Variants in RETREG3 observed in about 807,000 individuals in gnomAD.
RETREG3 encodes reticulophagy regulator 3.
In RETREG3, 23 loss-of-function variants were observed where a neutral mutation model predicts 50.2. The ratio of observed to expected loss-of-function variants is 0.46; its 90% confidence interval spans 0.33 to 0.65. The LOEUF (loss-of-function observed/expected upper bound fraction) is 0.65, where lower values mean the gene tolerates loss of function less well. RETREG3 is among the 30% of genes least tolerant of loss of function. RETREG3 has a pLI of 0.02. For synonymous variants in RETREG3, 240 were observed against 234.4 expected (o/e 1.02, Z -0.22); for missense variants, 546 against 598.0 (o/e 0.91, Z 0.91).
chr17:42,589,013 G>C (rs1247440724), intron 2 of RETREG3, among the ~76,000 whole-genome samples: 1 of 151,184 alleles, frequency 6.6e-6, no homozygotes, highest in Non-Finnish European at 1.5e-5. Flanking sequence ...CTCACTTATA[G>C]TTCTGCCTCC....
intron 1 of RETREG3, among the ~76,000 whole-genome samples, chr17:42,597,611 ATATATATATTTTTTTTTTTT>A (rs1567925522): frequency 1.2e-4 from 4 of 34,476 alleles, no homozygotes; most frequent in African/African-American, 4.9e-4. Flanking sequence ...ATATATATAT[ATATATATATTTTTTTTTTTT>A]TTTTTTTTTT....
At chr17:42,585,507 C>CAAGGGCAGAACCTGGCA (rs1567921230) in intron 5 of RETREG3, among the ~76,000 whole-genome samples, 1 of 152,152 alleles carries the variant, frequency 6.6e-6, no homozygotes, top group East Asian at 1.9e-4. Flanking sequence ...GCTGACAGGC[C>CAAGGGCAGAACCTGGCA]AAGGGCAGAA....
At chr17:42,591,780 G>C (rs374100790) in intron 2 of RETREG3, among the ~76,000 whole-genome samples, 2 of 152,232 alleles carry the variant, frequency 1.3e-5, no homozygotes, top group South Asian at 4.1e-4. Context: ...TTTCATTTGA[G>C]GACTACTTAT....
Position 42,586,834 on chromosome 17 carries a change from A to G in RETREG3, c.435T>C (p.Ala145=). The G allele has an allele frequency of 6.2e-7, 1 of 1,614,162 alleles. No individual in the cohort carries two copies. The highest frequency in any genetic ancestry group is 1.1e-5 in the South Asian group (1 of 91,078). ...AAATGGTCCCACTAACCCAGACTTC[A>G]GCTACATGGTGGCAGAGCTCGGGCA... ...LSVPELCHHV[A]EVWVSGTIFI... Residue 145 remains alanine (A), a synonymous_variant, in exon 4 of 9, where the codon GCT becomes GCC. Coordinates refer to ENST00000309428, the MANE Select transcript of RETREG3 (RefSeq NM_178126.4).
At chr17:42,607,095 A>G (rs2093169123) in intron 1 of RETREG3, among the ~76,000 whole-genome samples, 1 of 152,212 alleles carries the variant, frequency 6.6e-6, no homozygotes, top group Non-Finnish European at 1.5e-5. Context: ...CTTGCTAGAG[A>G]TACCAAAACC....
intron 6 of RETREG3, among the ~76,000 whole-genome samples, chr17:42,584,815 C>CAAAAAAAAAAA (rs71157643): frequency 2.4e-5 from 2 of 82,598 alleles, no homozygotes; most frequent in African/African-American, 5.0e-5. Flanking sequence ...GACCCTGTCT[C>CAAAAAAAAAAA]AAAAAAAAAA....
At chr17:42,597,052 T>A (rs955680915) in intron 1 of RETREG3, among the ~76,000 whole-genome samples, 7 of 151,980 alleles carry the variant, frequency 4.6e-5, no homozygotes, top group African/African-American at 1.2e-4. Context: ...TTAAATTTTT[T>A]AAATAGAGAC....
chr17:42,583,301 A>T (rs2093113967), intron 7 of RETREG3, among the ~76,000 whole-genome samples, 197 bp downstream of exon 7: 1 of 151,982 alleles, frequency 6.6e-6, no homozygotes, highest in African/African-American at 2.4e-5. Context: ...TCTAATTGAG[A>T]CCTAGGTTGA....
chr17:42,586,644 C>G, intron 4 of RETREG3, 121 bp downstream of exon 4: 1 of 1,387,710 alleles, frequency 7.2e-7, no homozygotes, highest in South Asian at 1.5e-5. Context: ...TTCCTTTTGT[C>G]TCTATGAACA....
chr17:42,601,958 A>C (rs1486549354), intron 1 of RETREG3, among the ~76,000 whole-genome samples: 1 of 152,038 alleles, frequency 6.6e-6, no homozygotes, highest in East Asian at 1.9e-4. Context: ...TTTTTGATGT[A>C]ATAAAAGCTG....
rs2143359492 is a variant in RETREG3 at position 42,580,329 on chromosome 17, A to AAT, written c.*1482_*1483dup. The AAT allele has an allele frequency of 6.5e-6, 1 of 152,872 alleles. No individual in the cohort carries two copies. Among genetic ancestry groups the AAT allele is most frequent in the African/African-American group, 2.4e-5 (1 of 41,548 alleles). 9.5% of individuals were successfully genotyped at this position (152,872 alleles called of 1,614,324 possible). On this transcript the variant is annotated 3_prime_UTR_variant, in exon 9 of 9. Coordinates refer to ENST00000309428, the MANE Select transcript of RETREG3 (RefSeq NM_178126.4). ...GCAAGAGATTATGGCCCCTGGGATG[A>AAT]ATGACATGGAGCCATTTGTAAAGTG...
chr17:42,592,808 C>T (rs755977014), intron 1 of RETREG3, among the ~76,000 whole-genome samples: 2 of 151,998 alleles, frequency 1.3e-5, no homozygotes, highest in South Asian at 2.1e-4. Flanking sequence ...AAAAATTAGC[C>T]GGGTGTGGTG....
At chr17:42,587,062 A>C (rs1239250533) in intron 3 of RETREG3, 171 bp from the exon 4 acceptor site, 2 of 881,334 alleles carry the variant, frequency 2.3e-6, no homozygotes, top group Non-Finnish European at 3.4e-6. Flanking sequence ...TTGAAATCTG[A>C]ATTTAGGTAC....
At chr17:42,586,384 A>T in intron 4 of RETREG3, 1 of 477,284 alleles carries the variant, frequency 2.1e-6, no homozygotes. Flanking sequence ...TTTGAATAGG[A>T]CTTAGCCAAA....
rs78211928 is a variant in RETREG3 at position 42,580,069 on chromosome 17, G to C, written c.*1744C>G. On this transcript the variant is annotated 3_prime_UTR_variant, in exon 9 of 9. Transcript: ENST00000309428. ...AGCGTTTGGCTTGAGCTCTGCTTGG[G>C]GAGGCAGAGGCTATAGACTGGCACA... The C allele has an allele frequency of 0.019, 2,829 of 152,900 alleles. 40 individuals are homozygous for C. The highest frequency in any genetic ancestry group is 0.041 in the Middle Eastern group (12 of 294). The allele number at this position is 152,900 out of a possible 1,614,324, so 9.5% of individuals were successfully genotyped here.
intron 1 of RETREG3, chr17:42,608,819 G>C: frequency 4.3e-6 from 2 of 464,648 alleles, no homozygotes; most frequent in Non-Finnish European, 7.6e-6. Flanking sequence ...ACTCTTGAGC[G>C]GCTCAAGATG....
chr17:42,586,985 G>A, intron 3 of RETREG3, 94 bp from the exon 4 acceptor site: 1 of 1,530,386 alleles, frequency 6.5e-7, no homozygotes. Context: ...TTTTAAATGG[G>A]GTTTGGGGAG....
intron 2 of RETREG3, among the ~76,000 whole-genome samples, chr17:42,588,172 G>A (rs1399732756): frequency 1.3e-5 from 2 of 152,206 alleles, no homozygotes; most frequent in Admixed American, 1.3e-4. Context: ...CCCCTTGAGT[G>A]TGTCTGGGAT....
chr17:42,609,412 G>T (rs2143444937), upstream of RETREG3: 1 of 1,427,652 alleles, frequency 7.0e-7, no homozygotes, highest in Non-Finnish European at 9.4e-7. Context: ...GGCGGGGGAG[G>T]TGGCTTCGCA....
Sources: gnomAD v4.1 joint callset for allele counts (sites outside exome capture counted in the v4.1 genomes callset) on GRCh38, gnomAD v4.1.1 for gene constraint, MANE v1.5 for transcripts, NCBI Gene and HGNC (gene_info 2026-07-23, HGNC 2026-07-21) for gene names.